KIF21A: variants seen among roughly 807,000 people sequenced by gnomAD.
KIF21A encodes kinesin-like protein KIF21A.
Under a neutral mutation model 202.9 loss-of-function variants are expected in KIF21A, and 114 were observed. That is an observed-to-expected ratio of 0.56 (90% CI 0.48 to 0.66). KIF21A has a LOEUF of 0.66. Among genes scored for constraint, KIF21A ranks in the 30% least tolerant of loss-of-function variants. The probability of loss-of-function intolerance (pLI) is 0.00; values close to 1 mark genes in which losing one functional copy is unlikely to be tolerated. For synonymous variants in KIF21A, 667 were observed against 670.8 expected (o/e 0.99, Z 0.09); for missense variants, 1,677 against 1,994.9 (o/e 0.84, Z 3.04).
chr12:39,414,809 C>A (rs1232572329), intron 1 of KIF21A, among the ~76,000 whole-genome samples: 2 of 151,850 alleles, frequency 1.3e-5, no homozygotes, highest in African/African-American at 4.8e-5. Flanking sequence ...GAAGGACTCA[C>A]GAATTAGTCA....
At chr12:39,302,018 A>G (rs1339910850) in intron 36 of KIF21A, among the ~76,000 whole-genome samples, 1 of 152,184 alleles carries the variant, frequency 6.6e-6, no homozygotes, top group Non-Finnish European at 1.5e-5. Context: ...TAAATAAAGC[A>G]AGTTTGAAAA....
intron 13 of KIF21A, 97 bp from the exon 14 acceptor site, chr12:39,341,719 T>C (rs1447721471): frequency 7.5e-7 from 1 of 1,330,476 alleles, no homozygotes; most frequent in East Asian, 2.5e-5. Flanking sequence ...TACGGAAACA[T>C]AAAAAAATTC....
chr12:39,324,459 T>A lies in KIF21A; in HGVS notation c.3456+1380A>T, dbSNP rs74088350. Among the ~76,000 whole-genome samples, 561 of 152,346 alleles carry A rather than the reference T, an allele frequency of 3.7e-3. 3 individuals carry two copies. The highest frequency in any genetic ancestry group is 0.013 in the African/African-American group (531 of 41,584). On this transcript the variant is annotated intron_variant, in intron 26 of 37. Transcript: ENST00000361418. The stretch of plus-strand genomic sequence containing the variant: ...TAGATCCGAACCATAGCAGAATGTT[T>A]TATTTGAGTTTTGGTAACTTCTGTT...
At position 39,294,165 on chromosome 12, in the gene KIF21A, AAAT is replaced by A. The variant is rs1565590441; in HGVS notation, c.*256_*258del. On this transcript the variant is annotated 3_prime_UTR_variant, in exon 38 of 38. Transcript: ENST00000361418. ...AAGTGTGTTTTATAGATAGGCACAA[AAAT>A]TCAGCCACAATAAAAGTGTGAATAA... is the stretch of plus-strand genomic sequence containing the variant. 2.7e-6 allele frequency: 1 copy of A among 374,584 alleles called. No individual in the cohort carries two copies. Among genetic ancestry groups the A allele is most frequent in the Non-Finnish European group, 4.9e-6 (1 of 203,156 alleles). The allele number at this position is 374,584 out of a possible 1,614,324, so 23.2% of individuals were successfully genotyped here.
chr12:39,381,308 A>G (rs1950600406), intron 1 of KIF21A, among the ~76,000 whole-genome samples: 1 of 145,066 alleles, frequency 6.9e-6, no homozygotes. Context: ...CTCTGTCTCA[A>G]AAAAAAAAAA....
At chr12:39,333,305 G>C in intron 17 of KIF21A, 25 bp from the exon 18 acceptor site, 3 of 1,442,352 alleles carry the variant, frequency 2.1e-6, no homozygotes, top group South Asian at 2.3e-5. Flanking sequence ...TAAATAAGTG[G>C]AAATAGTAAA....
intron 7 of KIF21A, among the ~76,000 whole-genome samples, chr12:39,361,522 CTT>C (rs541860250): frequency 1.4e-4 from 19 of 131,682 alleles, no homozygotes; most frequent in East Asian, 2.2e-4. Context: ...AACTTTCTTT[CTT>C]TTTTTTTTTT....
intron 9 of KIF21A, 65 bp from the exon 10 acceptor site, chr12:39,356,960 A>C: frequency 1.2e-6 from 1 of 813,726 alleles, no homozygotes; most frequent in Middle Eastern, 3.2e-4. Context: ...ACAGGAGAAA[A>C]AAAAAGTCGG....
intron 26 of KIF21A, among the ~76,000 whole-genome samples, chr12:39,323,980 G>A (rs2137821594): frequency 6.6e-6 from 1 of 151,990 alleles, no homozygotes; most frequent in East Asian, 1.9e-4. Context: ...CATGGTGGCG[G>A]GCGCCTGTTG....
At chr12:39,325,638 G>C (rs1050325537) in intron 26 of KIF21A, among the ~76,000 whole-genome samples, 10 of 151,530 alleles carry the variant, frequency 6.6e-5, no homozygotes, top group Non-Finnish European at 1.3e-4. Context: ...ACCGTATCTG[G>C]CCAGAGAAAT....
chr12:39,423,504 A>G (rs1364282081), intron 1 of KIF21A, among the ~76,000 whole-genome samples: 1 of 151,618 alleles, frequency 6.6e-6, no homozygotes, highest in Non-Finnish European at 1.5e-5. Flanking sequence ...ATTCAACAAC[A>G]CAATTCCACA....
chr12:39,295,692 G>GGTTTTTTTTTTTTTTTTTTTTTT (rs1426585743), intron 37 of KIF21A, among the ~76,000 whole-genome samples: 1 of 78,086 alleles, frequency 1.3e-5, no homozygotes. Context: ...CTTGGGATAT[G>GGTTTTTTTTTTTTTTTTTTTTTT]TTTTTTTTTT....
intron 3 of KIF21A, 62 bp downstream of exon 3, chr12:39,369,667 T>C: frequency 7.8e-7 from 1 of 1,287,260 alleles, no homozygotes; most frequent in Non-Finnish European, 1.1e-6. Context: ...CAGTATAAAA[T>C]CATAAACACA....
rs1373965379 is a variant in KIF21A at position 39,341,557 on chromosome 12, G to A, written c.1869C>T (p.Asp623=). 1 of 1,612,326 alleles carries A rather than the reference G, an allele frequency of 6.2e-7. No individual in the cohort carries two copies. The highest frequency in any genetic ancestry group is 1.7e-5 in the Admixed American group (1 of 59,960). ...EEEEEEEEED[D]IDGGESSDES... ...CATCAGAACTTTCACCCCCATCAAT[G>A]TCATCTTCCTCCTCCTCCTCCTCCT... is the stretch of plus-strand genomic sequence containing the variant. Residue 623 remains aspartate, a synonymous_variant, in exon 14 of 38, where the codon GAC becomes GAT. Transcript: ENST00000361418.
chr12:39,383,365 G>A (rs540704286), intron 1 of KIF21A, among the ~76,000 whole-genome samples: 198 of 152,236 alleles, frequency 1.3e-3, no homozygotes, highest in African/African-American at 4.3e-3. Flanking sequence ...TTCCCCTTCC[G>A]GCAAAGGCCT....
intron 1 of KIF21A, among the ~76,000 whole-genome samples, chr12:39,408,524 GAA>G (rs1450162589): frequency 7.2e-5 from 11 of 152,148 alleles, no homozygotes; most frequent in African/African-American, 2.2e-4. Context: ...AATTTCAAGA[GAA>G]AATTTGAACC....
rs181551262 is a variant in KIF21A at position 39,429,598 on chromosome 12, C to T, written c.44+13329G>A. The stretch of plus-strand genomic sequence containing the variant: ...GGATTACTATGTGCCAGACATTATT[C>T]TGAGTGCTTTATGTCAATTAATTCT... On this transcript the variant is annotated intron_variant, in intron 1 of 37. Transcript: ENST00000361418. Among the ~76,000 whole-genome samples the T allele has an allele frequency of 2.0e-3, 307 of 152,278 alleles. 4 individuals carry two copies. Among genetic ancestry groups the T allele is most frequent in the African/African-American group, 7.1e-3 (294 of 41,564 alleles).
intron 1 of KIF21A, among the ~76,000 whole-genome samples, chr12:39,403,511 G>A (rs1488535006): frequency 6.6e-6 from 1 of 152,172 alleles, no homozygotes; most frequent in Non-Finnish European, 1.5e-5. Flanking sequence ...CATGAGTCTA[G>A]GAGTCAAGAC....
At chr12:39,338,700 T>C (rs1392498328) in intron 16 of KIF21A, among the ~76,000 whole-genome samples, 1 of 152,216 alleles carries the variant, frequency 6.6e-6, no homozygotes, top group African/African-American at 2.4e-5. Context: ...CACAAATTTA[T>C]TTGGTTTCCC....
Sources: gnomAD v4.1 joint callset for allele counts (sites outside exome capture counted in the v4.1 genomes callset) on GRCh38, gnomAD v4.1.1 for gene constraint, MANE v1.5 for transcripts, NCBI Gene and HGNC (gene_info 2026-07-23, HGNC 2026-07-21) for gene names.